The following WWOX variants were observed in gnomAD, a reference collection of about 807,000 sequenced individuals.
WWOX encodes WW domain containing oxidoreductase, also known as WW domain-containing oxidoreductase.
A neutral mutation model predicts 46.2 loss-of-function variants in WWOX; 69 were observed. The ratio of observed to expected loss-of-function variants is 1.49; its 90% CI spans 1.23 to 1.82. The LOEUF (loss-of-function observed/expected upper bound fraction) is 1.82, where lower values mean the gene tolerates loss of function less well. Ranked by LOEUF, WWOX falls within the 40% of genes most tolerant of loss-of-function variation. The pLI is 0.00. For missense variants in WWOX, 919 were observed against 542.6 expected, an observed-to-expected ratio of 1.69 and a Z score of -6.89; for synonymous variants, 359 against 202.6, an observed-to-expected ratio of 1.77 and a Z score of -6.56.
chr16:78,276,941 G>A (rs2079588975), intron 5 of WWOX, among the ~76,000 whole-genome samples: 1 of 152,120 alleles, frequency 6.6e-6, no homozygotes, highest in African/African-American at 2.4e-5. Flanking sequence ...TGTGTGAAAA[G>A]GACTCATTTT....
chr16:78,550,507 T>G lies in WWOX; in HGVS notation c.1056+117755T>G, dbSNP rs1190154833. 2.0e-5 allele frequency among the ~76,000 whole-genome samples: 3 copies of G among 152,330 alleles called. No homozygotes were observed. The East Asian group carries it at 5.8e-4, about 29-fold the overall frequency. ...GCCTCTGGTCAAGAGCACTTGTTTG[T>G]CTGGGAGACATAATTTCAAAAATCA... is the stretch of plus-strand genomic sequence containing the variant. On this transcript the variant is annotated intron_variant, in intron 8 of 8. Transcript: ENST00000566780.
intron 8 of WWOX, among the ~76,000 whole-genome samples, chr16:78,598,249 C>G (rs192012940): frequency 6.6e-6 from 1 of 152,268 alleles, no homozygotes; most frequent in Admixed American, 6.5e-5. Context: ...TCAGAATTTT[C>G]TAGAACCAGT....
Position 79,152,624 on chromosome 16 carries a change from T to A in WWOX, c.1057-58984T>A, listed in dbSNP as rs549272712. 2.0e-5 allele frequency among the ~76,000 whole-genome samples: 3 copies of A among 149,468 alleles called. No individual in the cohort carries two copies. In the East Asian group the frequency reaches 5.9e-4, roughly 29 times the overall value. On this transcript the variant is annotated intron_variant, in intron 8 of 8. Coordinates refer to ENST00000566780, the MANE Select transcript of WWOX (RefSeq NM_016373.4). ...AGGCAGAGGTTGCAGTGAGCCGAGA[T>A]CACGCCACTGCACTCCAGCTTGGCG... is the stretch of plus-strand genomic sequence containing the variant.
At chr16:78,145,266 A>T (rs926689132) in intron 4 of WWOX, among the ~76,000 whole-genome samples, 3 of 152,134 alleles carry the variant, frequency 2.0e-5, no homozygotes, top group Non-Finnish European at 2.9e-5. Context: ...ATTAAGGAGT[A>T]TTGACTCCCA....
chr16:78,401,477 T>G (rs2082412021), intron 6 of WWOX, among the ~76,000 whole-genome samples: 1 of 152,158 alleles, frequency 6.6e-6, no homozygotes, highest in Non-Finnish European at 1.5e-5. Flanking sequence ...AGTAACCTAT[T>G]TTGATGAAAC....
intron 8 of WWOX, among the ~76,000 whole-genome samples, chr16:78,630,573 A>G (rs1486650774): frequency 6.6e-6 from 1 of 152,136 alleles, no homozygotes; most frequent in Non-Finnish European, 1.5e-5. Flanking sequence ...GACTAATTAA[A>G]TGCATCCTGT....
Position 78,899,066 on chromosome 16 carries a change from T to G in WWOX, c.1057-312542T>G, listed in dbSNP as rs553086509. 5.9e-5 allele frequency: 9 copies of G among 152,248 alleles called. No individual in the cohort carries two copies. In the East Asian group the frequency reaches 1.7e-3, roughly 29 times the overall value. 9.4% of individuals were successfully genotyped at this position (152,248 alleles called of 1,614,324 possible). ...TATAGTTTTACTTCTTCTCCAATTT[T>G]TATGGCTTTTGTTTCTTTTTCTTGT... On this transcript the variant is annotated intron_variant, in intron 8 of 8. Coordinates refer to ENST00000566780, the MANE Select transcript of WWOX (RefSeq NM_016373.4).
intron 8 of WWOX, among the ~76,000 whole-genome samples, chr16:78,732,959 G>T (rs1419016397): frequency 6.6e-6 from 1 of 152,170 alleles, no homozygotes; most frequent in African/African-American, 2.4e-5. Context: ...GAGCTCGAGT[G>T]GATGGCTCTT....
At chr16:79,181,953 A>G (rs1028970995) in intron 8 of WWOX, among the ~76,000 whole-genome samples, 28 of 152,188 alleles carry the variant, frequency 1.8e-4, no homozygotes, top group Non-Finnish European at 1.3e-4. Flanking sequence ...TGAAAGCTTT[A>G]TCCAGCCTCA....
chr16:78,852,417 A>C (rs1280551414), intron 8 of WWOX, among the ~76,000 whole-genome samples: 1 of 152,222 alleles, frequency 6.6e-6, no homozygotes, highest in Non-Finnish European at 1.5e-5. Context: ...GAGGATACTC[A>C]AACAGCACCA....
At chr16:78,706,886 C>T (rs1003604977) in intron 8 of WWOX, among the ~76,000 whole-genome samples, 1 of 152,110 alleles carries the variant, frequency 6.6e-6, no homozygotes, top group African/African-American at 2.4e-5. Context: ...CAGCCTTGAC[C>T]TTCTGGGCCC....
chr16:78,759,697 C>T (rs1014451097), intron 8 of WWOX, among the ~76,000 whole-genome samples: 4 of 152,152 alleles, frequency 2.6e-5, no homozygotes, highest in Non-Finnish European at 4.4e-5. Context: ...ACTGTATGCT[C>T]CCTGTTGTAG....
intron 5 of WWOX, among the ~76,000 whole-genome samples, chr16:78,258,909 C>T (rs1333194532): frequency 6.6e-6 from 1 of 152,152 alleles, no homozygotes; most frequent in Admixed American, 6.5e-5. Context: ...TTACAGAGTT[C>T]ACTTCCCTGC....
chr16:78,788,094 A>G (rs1295673040), intron 8 of WWOX, among the ~76,000 whole-genome samples: 2 of 152,162 alleles, frequency 1.3e-5, no homozygotes, highest in African/African-American at 4.8e-5. Flanking sequence ...ATCTATGGGT[A>G]GGCTTTTTTA....
intron 5 of WWOX, among the ~76,000 whole-genome samples, chr16:78,362,621 C>A (rs142218328): frequency 0.014 from 2,071 of 151,396 alleles, 21 homozygotes; most frequent in Non-Finnish European, 0.02. Context: ...CCCCACCCTG[C>A]AAAAAAAGAA....
intron 8 of WWOX, among the ~76,000 whole-genome samples, chr16:78,507,993 CGTGCGTGTGT>C (rs773870778): frequency 0.018 from 2,670 of 145,126 alleles, 41 homozygotes; most frequent in African/African-American, 0.032. Flanking sequence ...TTTTTGGTTG[CGTGCGTGTGT>C]GTGTGTGTGT....
intron 8 of WWOX, among the ~76,000 whole-genome samples, chr16:79,068,941 C>G (rs771035935): frequency 2.1e-4 from 32 of 152,056 alleles, no homozygotes; most frequent in Non-Finnish European, 7.4e-5. Context: ...AACCGATTCC[C>G]AGCCAAACAT....
At chr16:78,336,985 T>G (rs2080906429) in intron 5 of WWOX, among the ~76,000 whole-genome samples, 1 of 152,122 alleles carries the variant, frequency 6.6e-6, no homozygotes, top group Non-Finnish European at 1.5e-5. Context: ...TTCAGCATGT[T>G]GGCCAGGCTG....
chr16:78,969,421 G>A (rs1166380783), intron 8 of WWOX, among the ~76,000 whole-genome samples: 1 of 151,956 alleles, frequency 6.6e-6, no homozygotes, highest in Admixed American at 6.6e-5. Flanking sequence ...AGGGGCACAT[G>A]CCACCATGCC....
Sources: gnomAD v4.1 joint callset for allele counts (sites outside exome capture counted in the v4.1 genomes callset) on GRCh38, gnomAD v4.1.1 for gene constraint, MANE v1.5 for transcripts, NCBI Gene and HGNC (gene_info 2026-07-23, HGNC 2026-07-21) for gene names.